ATE1: variants seen among roughly 807,000 people sequenced by gnomAD.
ATE1 encodes arginyltransferase 1.
A neutral mutation model predicts 70.5 loss-of-function variants in ATE1; 36 were observed. The ratio of observed to expected loss-of-function variants is 0.51; its 90% CI spans 0.39 to 0.67. The LOEUF (loss-of-function observed/expected upper bound fraction) is 0.67, where lower values mean the gene tolerates loss of function less well. Among genes scored for constraint, ATE1 ranks in the 30% least tolerant of loss-of-function variants. The pLI, the probability that ATE1 is intolerant of heterozygous loss-of-function variation, is 0.00. For synonymous variants in ATE1, 232 were observed against 219.3 expected (o/e 1.06, Z -0.51); for missense variants, 593 against 629.5 (o/e 0.94, Z 0.62).
chr10:121,898,189 C>T (rs377408256), intron 7 of ATE1, among the ~76,000 whole-genome samples: 1 of 152,120 alleles, frequency 6.6e-6, no homozygotes, highest in East Asian at 1.9e-4. Context: ...CCCGTTAAAC[C>T]ATATTATATC....
At chr10:121,813,310 T>C (rs968225741) in intron 10 of ATE1, among the ~76,000 whole-genome samples, 10 of 152,174 alleles carry the variant, frequency 6.6e-5, no homozygotes, top group African/African-American at 2.4e-4. Flanking sequence ...CTACACAATA[T>C]TTTGCCAGCT....
At chr10:121,866,234 C>A (rs943287269) in intron 8 of ATE1, among the ~76,000 whole-genome samples, 53 of 152,170 alleles carry the variant, frequency 3.5e-4, no homozygotes, top group African/African-American at 1.3e-3. Flanking sequence ...CTGCCACTAA[C>A]TTAAGTCCTC....
intron 4 of ATE1, among the ~76,000 whole-genome samples, chr10:121,911,477 C>T (rs1951428823): frequency 6.6e-6 from 1 of 151,862 alleles, no homozygotes; most frequent in Non-Finnish European, 1.5e-5. Flanking sequence ...CTGTGGCGCC[C>T]TAGCAGGGCA....
intron 11 of ATE1, among the ~76,000 whole-genome samples, chr10:121,748,694 T>C (rs1044549148): frequency 6.6e-6 from 1 of 152,102 alleles, no homozygotes; most frequent in East Asian, 1.9e-4. Context: ...CCTAGAATTG[T>C]TCTGGATCAA....
At chr10:121,769,827 T>G (rs1945427917) in intron 11 of ATE1, among the ~76,000 whole-genome samples, 1 of 152,182 alleles carries the variant, frequency 6.6e-6, no homozygotes, top group Admixed American at 6.5e-5. Context: ...ACTATATACA[T>G]TAGAACAGCT....
At chr10:121,822,095 C>T (rs770819347) in intron 10 of ATE1, among the ~76,000 whole-genome samples, 3 of 152,164 alleles carry the variant, frequency 2.0e-5, no homozygotes, top group Admixed American at 6.5e-5. Context: ...GAACACGTAA[C>T]ATAATGTTCA....
intron 3 of ATE1, among the ~76,000 whole-genome samples, chr10:121,917,006 A>T (rs540830576): frequency 6.6e-6 from 1 of 151,920 alleles, no homozygotes; most frequent in Admixed American, 6.6e-5. Flanking sequence ...TCTACTAAAA[A>T]TACAAAACTT....
intron 11 of ATE1, among the ~76,000 whole-genome samples, chr10:121,758,659 T>G (rs1944908365): frequency 6.6e-6 from 1 of 152,202 alleles, no homozygotes; most frequent in Non-Finnish European, 1.5e-5. Flanking sequence ...TTTGTTTGTT[T>G]TTACAAATTA....
intron 7 of ATE1, among the ~76,000 whole-genome samples, chr10:121,885,888 A>G (rs908355139): frequency 1.3e-5 from 2 of 152,132 alleles, no homozygotes; most frequent in African/African-American, 2.4e-5. Context: ...CAACAGAGGG[A>G]AAGACTGTCT....
chr10:121,751,658 T>A (rs1173746136), intron 11 of ATE1, among the ~76,000 whole-genome samples: 1 of 152,216 alleles, frequency 6.6e-6, no homozygotes, highest in African/African-American at 2.4e-5. Flanking sequence ...AATTGGGTTG[T>A]CTTTTTATTG....
At chr10:121,789,360 G>A (rs968888096) in intron 11 of ATE1, among the ~76,000 whole-genome samples, 2 of 125,074 alleles carry the variant, frequency 1.6e-5, no homozygotes, top group African/African-American at 6.0e-5. Context: ...GTGCAATGGC[G>A]TAATCTCAGC....
intron 3 of ATE1, among the ~76,000 whole-genome samples, chr10:121,917,621 A>C (rs937516272): frequency 1.2e-4 from 18 of 152,202 alleles, no homozygotes; most frequent in Admixed American, 6.5e-5. Context: ...GCCCGGAAAT[A>C]ATGGAGAAAA....
At chr10:121,901,569 G>A (rs1454586029) in intron 6 of ATE1, among the ~76,000 whole-genome samples, 2 of 152,280 alleles carry the variant, frequency 1.3e-5, no homozygotes, top group East Asian at 3.9e-4. Context: ...CAATTCTGGT[G>A]TCTCAGCCTC....
intron 8 of ATE1, among the ~76,000 whole-genome samples, chr10:121,842,773 G>T (rs369779112): frequency 6.6e-6 from 1 of 152,280 alleles, no homozygotes; most frequent in East Asian, 1.9e-4. Flanking sequence ...ATCAATTGAT[G>T]CAGGAAACAT....
intron 10 of ATE1, among the ~76,000 whole-genome samples, chr10:121,824,128 C>T (rs189337514): frequency 6.6e-6 from 1 of 152,152 alleles, no homozygotes; most frequent in Admixed American, 6.6e-5. Context: ...CTCTAGGGGG[C>T]ATCAAAAATC....
At chr10:121,899,265 T>C (rs12771438) in intron 7 of ATE1, among the ~76,000 whole-genome samples, 1 of 152,160 alleles carries the variant, frequency 6.6e-6, no homozygotes, top group Non-Finnish European at 1.5e-5. Context: ...TTAATCATGG[T>C]GATGATCGCT....
chr10:121,773,998 T>C (rs1449103351), intron 11 of ATE1, among the ~76,000 whole-genome samples: 2 of 152,178 alleles, frequency 1.3e-5, no homozygotes, highest in African/African-American at 4.8e-5. Context: ...ATTCAAAACG[T>C]GAAAATGAAC....
At chr10:121,840,882 T>C (rs1469731437) in intron 9 of ATE1, among the ~76,000 whole-genome samples, 200 bp downstream of exon 9, 7 of 151,146 alleles carry the variant, frequency 4.6e-5, no homozygotes, top group Non-Finnish European at 1.0e-4. Context: ...AAGTATATAT[T>C]ATATAGGAGT....
chr10:121,845,367 A>G (rs1948778732), intron 8 of ATE1, among the ~76,000 whole-genome samples: 2 of 152,222 alleles, frequency 1.3e-5, no homozygotes, highest in South Asian at 2.1e-4. Flanking sequence ...CCCACAGAAC[A>G]TTACAACACA....
Sources: allele counts gnomAD v4.1 joint callset (sites outside exome capture counted in the v4.1 genomes callset), GRCh38; gene constraint gnomAD v4.1.1; transcripts MANE v1.5; gene names NCBI Gene and HGNC (gene_info 2026-07-23, HGNC 2026-07-21).